The following LPCAT1 variants were observed in gnomAD, a reference collection of about 807,000 sequenced individuals.
LPCAT1 encodes 1-acylglycerol-3-phosphate O-acyltransferase.
LPCAT1 carries 23 observed loss-of-function variants against 60.9 expected under a neutral mutation model. The ratio of observed to expected loss-of-function variants is 0.38; its 90% confidence interval spans 0.27 to 0.53. LPCAT1 has a LOEUF of 0.53. LPCAT1 is among the 20% of genes least tolerant of loss of function. The probability of loss-of-function intolerance (pLI) is 0.82; values close to 1 mark genes in which losing one functional copy is unlikely to be tolerated. For synonymous variants in LPCAT1, 340 were observed against 301.1 expected, an observed-to-expected ratio of 1.13 and a Z score of -1.34; for missense variants, 622 against 723.6, an observed-to-expected ratio of 0.86 and a Z score of 1.61.
At chr5:1,500,096 C>G (rs1409591881) in intron 2 of LPCAT1, among the ~76,000 whole-genome samples, 4 of 152,240 alleles carry the variant, frequency 2.6e-5, no homozygotes, top group Non-Finnish European at 5.9e-5. Context: ...CGGGCGTGCC[C>G]GTGCTCCAGT....
chr5:1,509,541 C>A (rs1736291068), intron 1 of LPCAT1, among the ~76,000 whole-genome samples: 1 of 152,196 alleles, frequency 6.6e-6, no homozygotes. Flanking sequence ...GCACTTCCAT[C>A]AGCAAACACC....
Position 1,495,459 on chromosome 5 carries a change from A to G in LPCAT1, c.279-545T>C, listed in dbSNP as rs1467353202. On this transcript the variant is annotated intron_variant, in intron 2 of 13. Coordinates refer to ENST00000283415, the MANE Select transcript of LPCAT1 (RefSeq NM_024830.5). This position sits in a 1 kb window ranked among gnomAD's most constrained non-coding sequence, Gnocchi z 4.7. The stretch of plus-strand genomic sequence containing the variant: ...TGTTATTACAGTGAGCTGTTTCTGG[A>G]GGAAATTAGATGGCCAATAAATTTG... 6.6e-6 allele frequency among the ~76,000 whole-genome samples: 1 copy of G among 152,002 alleles called. No homozygotes were observed. Among genetic ancestry groups the G allele is most frequent in the Non-Finnish European group, 1.5e-5 (1 of 68,006 alleles).
At position 1,494,883 on chromosome 5, in the gene LPCAT1, G is replaced by A; in HGVS notation, c.310C>T (p.Arg104Cys). The A allele has an allele frequency of 6.2e-7, 1 of 1,612,450 alleles. No individual in the cohort carries two copies. The highest frequency in any genetic ancestry group is 8.5e-7 in the Non-Finnish European group (1 of 1,179,160). Residue 104 changes from arginine (R) to cysteine (C), a missense_variant, in exon 3 of 14, where the codon CGC becomes TGC. Physicochemically the swap from Arg to Cys is radical, Grantham distance 180 (BLOSUM62 -3). This residue lies in a region of LPCAT1 where 209 missense variants were observed against 325.5 expected (regional missense o/e 0.64). Coordinates refer to ENST00000283415, the MANE Select transcript of LPCAT1 (RefSeq NM_024830.5). ...VVDFLLKAIM[R>C]TMWFAGGFHR... ...AAGCCGCCGGCGAACCACATGGTGCGCATGATGGCCTTCAGCAGGAAGTCC... is the reference window on the plus strand; with the variant it reads ...AAGCCGCCGGCGAACCACATGGTGCACATGATGGCCTTCAGCAGGAAGTCC...
At chr5:1,482,018 T>C (rs890635553) in intron 6 of LPCAT1, among the ~76,000 whole-genome samples, 10 of 152,170 alleles carry the variant, frequency 6.6e-5, no homozygotes, top group African/African-American at 2.2e-4. Context: ...GTGCTTTCCT[T>C]TGCCATCACA....
At position 1,463,428 on chromosome 5, in the gene LPCAT1, G is replaced by A. The variant is rs1201962004; in HGVS notation, c.*223C>T. The stretch of plus-strand genomic sequence containing the variant: ...CCCACGGGGTCCAGGCCAGGCGGGG[G>A]ATCCGCGTGCGCGCCCTCCGATTCT... On this transcript the variant is annotated 3_prime_UTR_variant, in exon 14 of 14. Coordinates refer to ENST00000283415, the MANE Select transcript of LPCAT1 (RefSeq NM_024830.5). The A allele has an allele frequency of 5.3e-6, 3 of 563,120 alleles. No individual in the cohort carries two copies. The highest frequency in any genetic ancestry group is 2.6e-5 in the South Asian group (1 of 38,160). The allele number at this position is 563,120 out of a possible 1,614,324, so 34.9% of individuals were successfully genotyped here.
chr5:1,470,190 C>T (rs1734610325), intron 12 of LPCAT1, among the ~76,000 whole-genome samples: 1 of 152,258 alleles, frequency 6.6e-6, no homozygotes, highest in Non-Finnish European at 1.5e-5. Flanking sequence ...AAAGCCGGCC[C>T]AGCTCTATCC....
intron 13 of LPCAT1, among the ~76,000 whole-genome samples, chr5:1,465,990 G>A (rs1181802513): frequency 6.6e-6 from 1 of 151,980 alleles, no homozygotes; most frequent in Admixed American, 6.5e-5. Flanking sequence ...TCCGGCTCCC[G>A]CACAGACGCT....
At chr5:1,484,476 T>C (rs889144722) in intron 5 of LPCAT1, among the ~76,000 whole-genome samples, 2 of 152,242 alleles carry the variant, frequency 1.3e-5, no homozygotes, top group Non-Finnish European at 2.9e-5. Flanking sequence ...CTCCCCTGCC[T>C]GGCGACCTGA....
At position 1,523,062 on chromosome 5, in the gene LPCAT1, G is replaced by C. The variant is rs571123446; in HGVS notation, c.135+648C>G. ...CCCCGAGAAAGCATCCCTTACAACA[G>C]GAGCGAAGCATGCACCCCAGAAGGC... On this transcript the variant is annotated intron_variant, in intron 1 of 13. Transcript: ENST00000283415. This position sits in a 1 kb window ranked among gnomAD's most constrained non-coding sequence, Gnocchi z 7.1. Among the ~76,000 whole-genome samples the C allele has an allele frequency of 6.6e-6, 1 of 152,232 alleles. No homozygotes were observed. Among genetic ancestry groups the C allele is most frequent in the Non-Finnish European group, 1.5e-5 (1 of 68,050 alleles).
At chr5:1,473,831 T>C in intron 11 of LPCAT1, 126 bp downstream of exon 11, 2 of 1,134,028 alleles carry the variant, frequency 1.8e-6, no homozygotes, top group Non-Finnish European at 2.5e-6. Flanking sequence ...GGGGTGGTGA[T>C]GGGTGGTTTT....
chr5:1,469,361 G>A (rs888896983), intron 12 of LPCAT1, among the ~76,000 whole-genome samples: 7 of 152,316 alleles, frequency 4.6e-5, no homozygotes, highest in Middle Eastern at 3.4e-3. Flanking sequence ...GGTGGGGCCT[G>A]TGCAGGAGGA....
intron 3 of LPCAT1, among the ~76,000 whole-genome samples, chr5:1,493,425 C>T (rs527402629): frequency 3.3e-5 from 5 of 152,254 alleles, no homozygotes; most frequent in Admixed American, 6.5e-5. Flanking sequence ...CTGAATGTGT[C>T]CCCCCAGATA....
At position 1,521,613 on chromosome 5, in the gene LPCAT1, C is replaced by A; in HGVS notation, c.135+2097G>T. ...TGAGCCACACATTGCAGACATCCAG[C>A]AGAAACGACTGGATGTACAAACACA... On this transcript the variant is annotated intron_variant, in intron 1 of 13. Coordinates refer to ENST00000283415, the MANE Select transcript of LPCAT1 (RefSeq NM_024830.5). The surrounding 1 kb of genome is among the most constrained non-coding windows in gnomAD (Gnocchi z 4.3). 3 of 308,476 alleles carry A rather than the reference C, an allele frequency of 9.7e-6. No homozygotes were observed. The highest frequency in any genetic ancestry group is 1.4e-5 in the Non-Finnish European group (3 of 211,118). The allele number at this position is 308,476 out of a possible 1,614,324, so 19.1% of individuals were successfully genotyped here.
intron 2 of LPCAT1, among the ~76,000 whole-genome samples, chr5:1,498,901 A>T (rs1349758530): frequency 2.0e-5 from 3 of 152,158 alleles, no homozygotes; most frequent in Non-Finnish European, 4.4e-5. Context: ...GCACATACAT[A>T]TGTATGCACA....
intron 1 of LPCAT1, among the ~76,000 whole-genome samples, chr5:1,511,573 T>A (rs1448112872): frequency 2.6e-5 from 4 of 152,264 alleles, no homozygotes; most frequent in Non-Finnish European, 2.9e-5. Flanking sequence ...CTCACCTCGC[T>A]CACCCTACGT....
In LPCAT1 at chr5:1,463,625, G is replaced by A. The variant is rs1381052639; in HGVS notation, c.*26C>T. 6.2e-7 allele frequency: 1 copy of A among 1,611,526 alleles called. No individual in the cohort carries two copies. Among genetic ancestry groups the A allele is most frequent in the Non-Finnish European group, 8.5e-7 (1 of 1,179,054 alleles). On this transcript the variant is annotated 3_prime_UTR_variant, in exon 14 of 14. Transcript: ENST00000283415. ...TGGCGGTGATGTCCACGCGGGAGGG[G>A]CCGCGTCTCTCCGCAACCCTGGGTC...
chr5:1,503,815 G>A (rs527827998), intron 1 of LPCAT1, among the ~76,000 whole-genome samples: 4 of 150,324 alleles, frequency 2.7e-5, no homozygotes, highest in African/African-American at 4.9e-5. Context: ...TTTCCCTCCC[G>A]CTACCAAGGT....
chr5:1,492,635 C>T (rs1735632757), intron 3 of LPCAT1, among the ~76,000 whole-genome samples: 1 of 152,234 alleles, frequency 6.6e-6, no homozygotes, highest in African/African-American at 2.4e-5. Flanking sequence ...CACACAGCAG[C>T]ATGGCTGTGG....
chr5:1,484,389 A>C lies in LPCAT1; in HGVS notation c.668-903T>G, dbSNP rs1035263784. ...AAATTCTATTTAAATCTCTATTGAA[A>C]GAGTTTTTTTTTAACTGGAAAACTC... On this transcript the variant is annotated intron_variant, in intron 5 of 13. Coordinates refer to ENST00000283415, the MANE Select transcript of LPCAT1 (RefSeq NM_024830.5). 1.4e-4 allele frequency among the ~76,000 whole-genome samples: 22 copies of C among 152,360 alleles called. No homozygotes were observed. In the South Asian group the frequency reaches 4.6e-3, roughly 32 times the overall value.
Sources: gnomAD v4.1 joint callset for allele counts (sites outside exome capture counted in the v4.1 genomes callset) on GRCh38, gnomAD v4.1.1 for gene constraint, gnomAD v4.1.1 regional missense constraint, Gnocchi (gnomAD v3.1) non-coding constraint, MANE v1.5 for transcripts, NCBI Gene and HGNC (gene_info 2026-07-23, HGNC 2026-07-21) for gene names.